The following UBAP1 variants were observed in gnomAD, a reference collection of about 807,000 sequenced individuals.
The protein encoded by UBAP1 is ubiquitin associated protein 1, also known as ubiquitin-associated protein 1.
UBAP1 carries 5 observed loss-of-function variants against 39.0 expected under a neutral mutation model. The ratio of observed to expected loss-of-function variants is 0.13; its 90% CI spans 0.07 to 0.27. The LOEUF is 0.27. UBAP1 is among the 10% of genes least tolerant of loss of function. The pLI is 1.00. For missense variants in UBAP1, 490 were observed against 608.1 expected (o/e 0.81, Z 2.04); for synonymous variants, 211 against 225.1 (o/e 0.94, Z 0.56).
At chr9:34,248,583 C>T (rs1242723905) in intron 4 of UBAP1, among the ~76,000 whole-genome samples, 1 of 152,152 alleles carries the variant, frequency 6.6e-6, no homozygotes, top group Admixed American at 6.5e-5. Flanking sequence ...CTGGTGTGAT[C>T]CAATCCCTGT....
rs1563911246 is a variant in UBAP1 at position 34,226,125 on chromosome 9, G to GTGTGTGTGTGTGTGTGTGTGTGTT, written c.34+5200_34+5201insTTGTGTGTGTGTGTGTGTGTGTGT. ...CTCTATTGTGTGTGTGTGTGTGTGTGTGTGTGTGTGTGTGTGTGTGTGTGT... is the reference window on the plus strand; with the variant it reads ...CTCTATTGTGTGTGTGTGTGTGTGTGTGTGTGTGTGTGTGTGTGTGTGTTTGTGTGTGTGTGTGTGTGTGTGTGT... On this transcript the variant is annotated intron_variant, in intron 2 of 6. Transcript: ENST00000297661. Among the ~76,000 whole-genome samples, 89 of 139,876 alleles carry GTGTGTGTGTGTGTGTGTGTGTGTT rather than the reference G, an allele frequency of 6.4e-4. 1 individual carries two copies. The highest frequency in any genetic ancestry group is 3.6e-3 in the Middle Eastern group (1 of 276). The allele number at this position is 139,876 out of a possible 152,430, so 91.8% of individuals were successfully genotyped here. A position where few individuals can be genotyped will look rare whatever the true frequency, so the allele number is the denominator to read the frequency against.
rs555665010 is a variant in UBAP1, at chr9:34,188,743, G to C, written c.-8+9503G>C. Among the ~76,000 whole-genome samples, 9 of 152,186 alleles carry C rather than the reference G, an allele frequency of 5.9e-5. No individual in the cohort carries two copies. In the East Asian group the frequency reaches 9.7e-4, roughly 16 times the overall value. ...AGGCTGAGGCGTGTGGATCACCTGAGGTCAGGAGTTCGAGACCAGCCTGGC... is the reference window on the plus strand; with the variant it reads ...AGGCTGAGGCGTGTGGATCACCTGACGTCAGGAGTTCGAGACCAGCCTGGC... On this transcript the variant is annotated intron_variant, in intron 1 of 6. Coordinates refer to ENST00000297661, the MANE Select transcript of UBAP1 (RefSeq NM_016525.5).
intron 1 of UBAP1, among the ~76,000 whole-genome samples, chr9:34,207,232 G>C (rs1831757521): frequency 6.6e-6 from 1 of 151,116 alleles, no homozygotes; most frequent in Non-Finnish European, 1.5e-5. Context: ...TTTTAGTAGA[G>C]ATGGGGTTTC....
intron 1 of UBAP1, among the ~76,000 whole-genome samples, chr9:34,213,607 GAAC>G (rs1387023494): frequency 1.3e-5 from 2 of 152,144 alleles, no homozygotes; most frequent in Non-Finnish European, 2.9e-5. Flanking sequence ...GTGAGAACTA[GAAC>G]AAGACAAGGA....
intron 1 of UBAP1, among the ~76,000 whole-genome samples, chr9:34,193,742 A>G (rs960969354): frequency 6.6e-6 from 1 of 152,178 alleles, no homozygotes; most frequent in Non-Finnish European, 1.5e-5. Context: ...TGGAGCTTCT[A>G]TACCCTTCTT....
chr9:34,239,997 G>T (rs888365028), intron 3 of UBAP1, among the ~76,000 whole-genome samples: 1 of 152,130 alleles, frequency 6.6e-6, no homozygotes, highest in Non-Finnish European at 1.5e-5. Context: ...GAAAAGGAAA[G>T]AAATTTCCAA....
chr9:34,198,153 G>A (rs1186970783), intron 1 of UBAP1, among the ~76,000 whole-genome samples: 1 of 152,146 alleles, frequency 6.6e-6, no homozygotes, highest in African/African-American at 2.4e-5. Flanking sequence ...AGCTGGCTGG[G>A]CTCCATGTTT....
Position 34,250,791 on chromosome 9 carries a change from T to C in UBAP1, c.1368+32T>C, listed in dbSNP as rs751566904. On this transcript the variant is annotated intron_variant, in intron 6 of 6. Coordinates refer to ENST00000297661, the MANE Select transcript of UBAP1 (RefSeq NM_016525.5). Reference sequence around the variant, plus strand: ...ATCTTCATGTTTCTTGGGAACCCTCTGGAAAAGGAGGGACCAAGTATCCAT... The same window carrying C: ...ATCTTCATGTTTCTTGGGAACCCTCCGGAAAAGGAGGGACCAAGTATCCAT... 1.5e-5 allele frequency: 24 copies of C among 1,583,646 alleles called. No homozygotes were observed. The South Asian group carries it at 2.7e-4, about 18-fold the overall frequency.
chr9:34,192,047 T>C (rs1426080121), intron 1 of UBAP1, among the ~76,000 whole-genome samples: 1 of 151,616 alleles, frequency 6.6e-6, no homozygotes, highest in Admixed American at 6.6e-5. Flanking sequence ...TTTTGCTGTG[T>C]TGCCCAGGTT....
At chr9:34,196,830 G>T (rs1831087329) in intron 1 of UBAP1, among the ~76,000 whole-genome samples, 1 of 151,142 alleles carries the variant, frequency 6.6e-6, no homozygotes, top group African/African-American at 2.4e-5. Context: ...TCCGCTCTAA[G>T]ATTTGCTTTT....
intron 1 of UBAP1, among the ~76,000 whole-genome samples, chr9:34,182,616 C>CTTCTTTCTTTCTTTCTTTCT (rs61297759): frequency 3.6e-5 from 4 of 110,600 alleles, no homozygotes; most frequent in Non-Finnish European, 5.5e-5. Context: ...TCTTTCTTTC[C>CTTCTTTCTTTCTTTCTTTCT]TTCTTTCTTT....
chr9:34,216,423 T>C (rs1016706329), intron 1 of UBAP1, among the ~76,000 whole-genome samples: 3 of 152,142 alleles, frequency 2.0e-5, no homozygotes, highest in Non-Finnish European at 2.9e-5. Flanking sequence ...CTTTGGATTT[T>C]CCCTTTCTGG....
chr9:34,228,431 AAAAG>A (rs1833222229), intron 2 of UBAP1, among the ~76,000 whole-genome samples: 1 of 151,794 alleles, frequency 6.6e-6, no homozygotes, highest in Non-Finnish European at 1.5e-5. Flanking sequence ...AAAAAAAAAA[AAAAG>A]AAAAAGAAAA....
intron 2 of UBAP1, among the ~76,000 whole-genome samples, chr9:34,232,669 A>G (rs1018172972): frequency 6.6e-6 from 1 of 150,538 alleles, no homozygotes; most frequent in Non-Finnish European, 1.5e-5. Context: ...CAAGATTACA[A>G]ATATTTTCTG....
At chr9:34,232,308 A>G (rs1250860513) in intron 2 of UBAP1, among the ~76,000 whole-genome samples, 1 of 152,198 alleles carries the variant, frequency 6.6e-6, no homozygotes, top group African/African-American at 2.4e-5. Flanking sequence ...GTTTCTTCTT[A>G]AAGGGCTAAA....
chr9:34,223,596 G>T (rs1360950468), intron 2 of UBAP1, among the ~76,000 whole-genome samples: 1 of 152,094 alleles, frequency 6.6e-6, no homozygotes, highest in Non-Finnish European at 1.5e-5. Flanking sequence ...TGGGACTACA[G>T]GTGCCTGCCA....
intron 2 of UBAP1, among the ~76,000 whole-genome samples, chr9:34,230,806 T>C (rs923875430): frequency 1.3e-5 from 2 of 152,228 alleles, no homozygotes; most frequent in African/African-American, 4.8e-5. Flanking sequence ...GCTTGTATCA[T>C]GTATGAGTAA....
chr9:34,183,440 G>A (rs1362975198), intron 1 of UBAP1, among the ~76,000 whole-genome samples: 1 of 151,498 alleles, frequency 6.6e-6, no homozygotes, highest in East Asian at 2.0e-4. Context: ...AGCTACTCGG[G>A]AGGCTGAGGC....
intron 1 of UBAP1, among the ~76,000 whole-genome samples, chr9:34,206,870 A>G (rs924348272): frequency 6.6e-6 from 1 of 152,006 alleles, no homozygotes; most frequent in African/African-American, 2.4e-5. Context: ...ATTATATACC[A>G]AATGTTTATA....
Sources: gnomAD v4.1 joint callset for allele counts (sites outside exome capture counted in the v4.1 genomes callset) on GRCh38, gnomAD v4.1.1 for gene constraint, MANE v1.5 for transcripts, NCBI Gene and HGNC (gene_info 2026-07-23, HGNC 2026-07-21) for gene names.